The following USP48 variants were observed in gnomAD, a reference collection of about 807,000 sequenced individuals.
USP48 encodes the protein ubiquitin carboxyl-terminal hydrolase 48.
A neutral mutation model predicts 150.7 loss-of-function variants in USP48; 43 were observed. The ratio of observed to expected loss-of-function variants is 0.29; its 90% CI spans 0.22 to 0.37. USP48 has a LOEUF of 0.37. Ranked by LOEUF, USP48 falls within the 10% of genes least tolerant of loss-of-function variation. The pLI, the probability that USP48 is intolerant of heterozygous loss-of-function variation, is 1.00. For missense variants in USP48, 813 were observed against 1,249.6 expected, an observed-to-expected ratio of 0.65 and a Z score of 5.27; for synonymous variants, 396 against 425.9, an observed-to-expected ratio of 0.93 and a Z score of 0.86.
chr1:21,682,633 C>A (rs1471456322), intron 25 of USP48, among the ~76,000 whole-genome samples: 1 of 152,046 alleles, frequency 6.6e-6, no homozygotes, highest in Non-Finnish European at 1.5e-5. Context: ...TCTCAGCACA[C>A]TGGGAGGCCG....
At chr1:21,712,314 G>A (rs1426846419) in intron 15 of USP48, among the ~76,000 whole-genome samples, 1 of 152,072 alleles carries the variant, frequency 6.6e-6, no homozygotes, top group Non-Finnish European at 1.5e-5. Context: ...AGCCGAGACT[G>A]CACCATTGCG....
chr1:21,690,099 T>A lies in USP48; in HGVS notation c.2884A>T (p.Ile962Phe). The A allele has an allele frequency of 6.2e-7, 1 of 1,613,278 alleles. No individual in the cohort carries two copies. Among genetic ancestry groups the A allele is most frequent in the Non-Finnish European group, 8.5e-7 (1 of 1,179,708 alleles). ...GGAGCAACTGAAAATGCATGCATGA[T>A]CTGTGCCAATATAAAAGAGAGAAAG... ...NQTLKELKIQ[I>F]MHAFSVAPFD... Residue 962 changes from isoleucine (I) to phenylalanine (F), a missense_variant and splice_region_variant, in exon 24 of 27, where the codon ATC becomes TTC. Coordinates refer to ENST00000308271, the MANE Select transcript of USP48 (RefSeq NM_032236.8).
At chr1:21,737,455 C>T (rs2097771182) in intron 8 of USP48, among the ~76,000 whole-genome samples, 3 of 152,022 alleles carry the variant, frequency 2.0e-5, no homozygotes, top group South Asian at 4.1e-4. Context: ...ATATTTTACA[C>T]GGTATTCAAA....
At chr1:21,703,361 CA>C (rs2097662832) in intron 21 of USP48, 150 bp downstream of exon 21, 2 of 528,300 alleles carry the variant, frequency 3.8e-6, no homozygotes, top group Non-Finnish European at 6.8e-6. Context: ...TGTTCATTTT[CA>C]ATTATTGTCC....
chr1:21,712,233 C>A (rs1384135604), intron 15 of USP48, among the ~76,000 whole-genome samples: 2 of 152,142 alleles, frequency 1.3e-5, no homozygotes, highest in Non-Finnish European at 2.9e-5. Context: ...GTGGCACATG[C>A]CTATAGTTCC....
At chr1:21,752,898 T>A in intron 4 of USP48, 94 bp downstream of exon 4, 1 of 1,440,400 alleles carries the variant, frequency 6.9e-7, no homozygotes, top group East Asian at 2.5e-5. Flanking sequence ...ATTTAATTTT[T>A]AAAAAGCATT....
chr1:21,727,811 T>C (rs1163561150), intron 11 of USP48: 5 of 932,560 alleles, frequency 5.4e-6, no homozygotes, highest in Non-Finnish European at 3.8e-6. Context: ...ATACTAGTAA[T>C]GGAAAATTAA....
chr1:21,766,922 G>A (rs949891875), intron 1 of USP48, among the ~76,000 whole-genome samples: 5 of 151,984 alleles, frequency 3.3e-5, no homozygotes, highest in South Asian at 2.1e-4. Flanking sequence ...AAAATTAGCC[G>A]GCGTGGTGGC....
At chr1:21,718,011 G>C (rs333184) in intron 14 of USP48, among the ~76,000 whole-genome samples, 149,796 of 152,354 alleles carry the variant, frequency 0.98, 73,680 homozygotes, top group Non-Finnish European at 1. Flanking sequence ...CAAAAATGAA[G>C]CCCCTAATAT....
rs936614552 is a variant in USP48 at position 21,706,293 on chromosome 1, A to C, written c.2212-106T>G. The C allele has an allele frequency of 5.3e-6, 8 of 1,502,350 alleles. No individual in the cohort carries two copies. The Admixed American group carries it at 1.4e-4, about 27-fold the overall frequency. The allele number at this position is 1,502,350 out of a possible 1,614,324, so 93.1% of individuals were successfully genotyped here. On this transcript the variant is annotated intron_variant, in intron 17 of 26. Transcript: ENST00000308271. Reference sequence around the variant, plus strand: ...TCCTTATTCAAGTTTTATAAATAAAATGAAAACACAGTCCTCTACCAAAAA... The same window carrying C: ...TCCTTATTCAAGTTTTATAAATAAACTGAAAACACAGTCCTCTACCAAAAA...
chr1:21,728,112 A>G lies in USP48; in HGVS notation c.1450+458T>C, dbSNP rs2097744634. The G allele has an allele frequency of 4.1e-6, 4 of 985,960 alleles. No homozygotes were observed. In the African/African-American group the frequency reaches 5.2e-5, roughly 13 times the overall value. The allele number at this position is 985,960 out of a possible 1,614,324, so 61.1% of individuals were successfully genotyped here. A position where few individuals can be genotyped will look rare whatever the true frequency, so the allele number is the denominator to read the frequency against. On this transcript the variant is annotated intron_variant, in intron 11 of 26. Transcript: ENST00000308271. ...GTCAGCAGAAAGCTTTTCTACTCTT[A>G]GCATAATATTTGGTATTAAACTTCA... is the stretch of plus-strand genomic sequence containing the variant.
chr1:21,744,931 C>T (rs2097791049), intron 8 of USP48, among the ~76,000 whole-genome samples: 1 of 151,962 alleles, frequency 6.6e-6, no homozygotes, highest in Non-Finnish European at 1.5e-5. Flanking sequence ...TTTAAAGAAA[C>T]AGGTGGATTC....
chr1:21,702,472 T>C (rs567913595), intron 21 of USP48, among the ~76,000 whole-genome samples: 3 of 151,842 alleles, frequency 2.0e-5, no homozygotes, highest in Non-Finnish European at 2.9e-5. Flanking sequence ...ATCCAATCAA[T>C]TTCACCTATC....
At chr1:21,763,859 G>A (rs780870809) in intron 1 of USP48, among the ~76,000 whole-genome samples, 2 of 152,042 alleles carry the variant, frequency 1.3e-5, no homozygotes, top group Admixed American at 6.6e-5. Context: ...GAGGGAGGAC[G>A]GATGGACAGG....
At chr1:21,729,281 C>CAAAAA (rs57704127) in intron 10 of USP48, among the ~76,000 whole-genome samples, 4 of 90,422 alleles carry the variant, frequency 4.4e-5, no homozygotes, top group Non-Finnish European at 7.2e-5. Flanking sequence ...GACTCCGCCT[C>CAAAAA]AAAAAAAAAA....
chr1:21,682,868 A>C (rs942534857), intron 25 of USP48, among the ~76,000 whole-genome samples: 1 of 150,580 alleles, frequency 6.6e-6, no homozygotes, highest in African/African-American at 2.4e-5. Flanking sequence ...GTGAGACTCC[A>C]TCTCAGAAAA....
intron 25 of USP48, among the ~76,000 whole-genome samples, chr1:21,682,118 C>T (rs1026707491): frequency 1.3e-5 from 2 of 152,230 alleles, no homozygotes. Context: ...CATCCTCACA[C>T]AGTATCATGG....
chr1:21,707,166 C>G (rs1301343548), intron 15 of USP48, among the ~76,000 whole-genome samples: 3 of 152,128 alleles, frequency 2.0e-5, no homozygotes, highest in Non-Finnish European at 4.4e-5. Flanking sequence ...CATTTTCTTT[C>G]TCCTTGCAAG....
chr1:21,776,951 GAA>G (rs113465243), intron 1 of USP48, among the ~76,000 whole-genome samples: 8 of 130,562 alleles, frequency 6.1e-5, no homozygotes, highest in Non-Finnish European at 8.2e-5. Flanking sequence ...CTGTCTCAAA[GAA>G]AAAAAAAAAA....
Sources: allele counts gnomAD v4.1 joint callset (sites outside exome capture counted in the v4.1 genomes callset), GRCh38; gene constraint gnomAD v4.1.1; transcripts MANE v1.5; gene names NCBI Gene and HGNC (gene_info 2026-07-23, HGNC 2026-07-21).